PAX8: variants seen among roughly 807,000 people sequenced by gnomAD.
PAX8 encodes paired box protein Pax-8.
Under a neutral mutation model 52.4 loss-of-function variants are expected in PAX8, and 15 were observed. The observed-to-expected ratio is 0.29, with a 90% confidence interval of 0.19 to 0.44. The LOEUF (loss-of-function observed/expected upper bound fraction) is 0.44. PAX8 is among the 20% of genes least tolerant of loss of function. PAX8 has a pLI of 1.00. For missense variants in PAX8, 554 were observed against 602.5 expected (o/e 0.92, Z 0.84); for synonymous variants, 284 against 249.7 (o/e 1.14, Z -1.29).
intron 2 of PAX8, chr2:113,276,483 C>G (rs550670299): frequency 3.3e-4 from 50 of 152,256 alleles, no homozygotes; most frequent in African/African-American, 1.1e-3. Flanking sequence ...GCAGAGGGCT[C>G]CCTCCCAAAA....
At chr2:113,260,831 T>C (rs1202913213) in intron 2 of PAX8, among the ~76,000 whole-genome samples, 1 of 151,956 alleles carries the variant, frequency 6.6e-6, no homozygotes, top group Non-Finnish European at 1.5e-5. Context: ...AGGGTGGGCT[T>C]TAGCCTGAAT....
chr2:113,231,290 C>A (rs1299342807), intron 9 of PAX8, among the ~76,000 whole-genome samples: 1 of 152,244 alleles, frequency 6.6e-6, no homozygotes, highest in Admixed American at 6.5e-5. Context: ...GAGCTGGAGG[C>A]AGTCCCAGAG....
rs368814338 is a variant in PAX8 at position 113,220,093 on chromosome 2, C to T, written c.1275G>A (p.Leu425=). The T allele has an allele frequency of 1.4e-5, 22 of 1,612,766 alleles. No individual in the cohort carries two copies. Among genetic ancestry groups the T allele is most frequent in the Non-Finnish European group, 1.9e-5 (22 of 1,179,292 alleles). ...EAWRFPNSSL[L]SSPYYYSSTS... ...GCCTGGGCAGCCCCAGGGACTTACT[C>T]AGCAAGCTGGAGTTGGGGAAGCGCC... is the stretch of plus-strand genomic sequence containing the variant. Residue 425 remains leucine, a splice_region_variant and synonymous_variant, in exon 11 of 12, where the codon CTG becomes CTA. Transcript: ENST00000429538.
At chr2:113,235,642 G>C in intron 8 of PAX8, 60 bp from the exon 9 acceptor site, 1 of 1,400,416 alleles carries the variant, frequency 7.1e-7, no homozygotes, top group Non-Finnish European at 9.8e-7. Context: ...GAGGGAACAC[G>C]CACAAGCCAA....
At chr2:113,235,850 C>G in intron 8 of PAX8, 1 of 492,770 alleles carries the variant, frequency 2.0e-6, no homozygotes, top group South Asian at 2.8e-5. Context: ...GGAGGGAGCG[C>G]GGAGACCCGG....
chr2:113,275,173 G>A (rs1236025058), intron 2 of PAX8: 1 of 152,072 alleles, frequency 6.6e-6, no homozygotes, highest in Non-Finnish European at 1.5e-5. Context: ...CATCAAAAAA[G>A]TGTCAATTAG....
chr2:113,235,337 G>T, intron 9 of PAX8, 57 bp downstream of exon 9: 1 of 1,449,386 alleles, frequency 6.9e-7, no homozygotes, highest in Non-Finnish European at 9.4e-7. Context: ...TCTGCCCTGA[G>T]GACCCCCGTC....
chr2:113,241,751 A>C, intron 6 of PAX8, 25 bp from the exon 7 acceptor site: 1 of 1,612,328 alleles, frequency 6.2e-7, no homozygotes, highest in Non-Finnish European at 8.5e-7. Context: ...GAAGGAAGAA[A>C]GCTTTTAGGG....
At chr2:113,220,238 G>A (rs566213233) in intron 10 of PAX8, 60 bp from the exon 11 acceptor site, 6 of 1,330,880 alleles carry the variant, frequency 4.5e-6, no homozygotes, top group Admixed American at 1.7e-5. Flanking sequence ...CAGGGCTGGG[G>A]TGTGGGAAGG....
chr2:113,228,997 C>CT (rs1325159940), intron 9 of PAX8, among the ~76,000 whole-genome samples: 3 of 152,192 alleles, frequency 2.0e-5, no homozygotes, highest in African/African-American at 7.2e-5. Flanking sequence ...ATTCTAGACA[C>CT]TTTTCTAAGC....
chr2:113,272,335 G>T (rs544771421), intron 2 of PAX8: 1 of 152,260 alleles, frequency 6.6e-6, no homozygotes, highest in East Asian at 1.9e-4. Flanking sequence ...CTGGCCAGTG[G>T]CTTATATAAG....
intron 11 of PAX8, among the ~76,000 whole-genome samples, chr2:113,219,160 T>C (rs928535018): frequency 2.0e-5 from 3 of 152,234 alleles, no homozygotes; most frequent in African/African-American, 7.2e-5. Flanking sequence ...TCTGGCTAAA[T>C]TGAATGGAAA....
In PAX8 at chr2:113,278,299, A is replaced by G. The variant is rs746060721; in HGVS notation, c.25+71T>C. The stretch of plus-strand genomic sequence containing the variant: ...CCCGTGCTGACGCTCTCGAGATCCA[A>G]CCACCCGAGCGCACGCACGGACGCT... On this transcript the variant is annotated intron_variant, in intron 2 of 11. Coordinates refer to ENST00000429538, the MANE Select transcript of PAX8 (RefSeq NM_003466.4). 109 of 1,256,478 alleles carry G rather than the reference A, an allele frequency of 8.7e-5. No individual in the cohort carries two copies. The East Asian group carries it at 1.0e-3, about 12-fold the overall frequency. 77.8% of individuals were successfully genotyped at this position (1,256,478 alleles called of 1,614,324 possible).
chr2:113,275,282 C>G (rs1233049789), intron 2 of PAX8: 1 of 152,122 alleles, frequency 6.6e-6, no homozygotes, highest in Admixed American at 6.5e-5. Flanking sequence ...AAATTATCTC[C>G]TAATTAACTT....
rs1468900902 is a variant in PAX8, at chr2:113,257,979, A to G, written c.26-11060T>C. On this transcript the variant is annotated intron_variant, in intron 2 of 11. Transcript: ENST00000429538. ...TACAAAGTGGCATTACTGAGACTCA[A>G]GCTGAGAGCTCTCAGATGCCATAGT... 6.6e-5 allele frequency among the ~76,000 whole-genome samples: 10 copies of G among 152,322 alleles called. No homozygotes were observed. The South Asian group carries it at 1.9e-3, about 28-fold the overall frequency.
intron 9 of PAX8, among the ~76,000 whole-genome samples, chr2:113,230,953 G>A (rs951815861): frequency 2.0e-5 from 3 of 152,128 alleles, no homozygotes; most frequent in Non-Finnish European, 2.9e-5. Flanking sequence ...TTGACTGGCC[G>A]TGGAGTTCTC....
chr2:113,226,966 T>G, intron 10 of PAX8, 189 bp downstream of exon 10: 2 of 1,503,334 alleles, frequency 1.3e-6, no homozygotes, highest in Non-Finnish European at 1.8e-6. Context: ...GCAAGTTAAA[T>G]AGGGAGTCAG....
chr2:113,254,234 T>TAATAGAAC (rs1692021505), intron 2 of PAX8, among the ~76,000 whole-genome samples: 1 of 152,260 alleles, frequency 6.6e-6, no homozygotes, highest in African/African-American at 2.4e-5. Context: ...GCAAACATTT[T>TAATAGAAC]AATAGAACTG....
intron 10 of PAX8, among the ~76,000 whole-genome samples, chr2:113,222,016 T>C (rs1378695319): frequency 2.0e-5 from 3 of 152,096 alleles, no homozygotes; most frequent in East Asian, 3.9e-4. Flanking sequence ...ATTTAACAGA[T>C]GAAAAACTAA....
Sources: gnomAD v4.1 joint callset for allele counts (sites outside exome capture counted in the v4.1 genomes callset) on GRCh38, gnomAD v4.1.1 for gene constraint, MANE v1.5 for transcripts, NCBI Gene and HGNC (gene_info 2026-07-23, HGNC 2026-07-21) for gene names.